The following PHIP variants were observed in gnomAD, a reference collection of about 807,000 sequenced individuals.
PHIP encodes the protein PH-interacting protein.
Under a neutral mutation model 236.8 loss-of-function variants are expected in PHIP, and 54 were observed. The observed-to-expected ratio is 0.23, with a 90% CI of 0.18 to 0.29. PHIP has a LOEUF of 0.29. Ranked by LOEUF, PHIP falls within the 10% of genes least tolerant of loss-of-function variation. The pLI, the probability that PHIP is intolerant of heterozygous loss-of-function variation, is 1.00. For synonymous variants in PHIP, 756 were observed against 718.9 expected (o/e 1.05, Z -0.83); for missense variants, 1,370 against 2,190.8 (o/e 0.63, Z 7.48).
At chr6:78,951,503 GT>G (rs1290268521) in intron 35 of PHIP, among the ~76,000 whole-genome samples, 1 of 152,150 alleles carries the variant, frequency 6.6e-6, no homozygotes, top group Non-Finnish European at 1.5e-5. Context: ...GGATGATACA[GT>G]TAATTCTGAA....
In PHIP at chr6:78,954,954, G is replaced by A; in HGVS notation, c.3913C>T (p.Pro1305Ser). The change falls in exon 35 of 40, where the codon CCT (proline) becomes TCT (serine). Residue 1305 changes from proline to serine, a missense_variant. Physicochemically the swap from Pro to Ser is moderately conservative, Grantham distance 74. This residue lies in a region of PHIP where 125 missense variants were observed against 235.1 expected (regional missense o/e 0.53). Transcript: ENST00000275034. ...TSTRKRKDHQ[P>S]RRRLRNRAQS... is the part of the protein sequence containing the mutation. ...GCTCTATTACGTAATCTTCTTCTAG[G>A]CTGATGGTCCTGTGATAAAAGTGTT... 2 of 1,556,734 alleles carry A rather than the reference G, an allele frequency of 1.3e-6. No homozygotes were observed. Among genetic ancestry groups the A allele is most frequent in the Non-Finnish European group, 1.7e-6 (2 of 1,158,652 alleles).
chr6:78,985,251 T>C (rs746709614), intron 22 of PHIP, 101 bp downstream of exon 22: 32 of 704,710 alleles, frequency 4.5e-5, no homozygotes, highest in Middle Eastern at 2.7e-4. Flanking sequence ...CTGAAGAACT[T>C]TGAACTTACA....
At chr6:78,991,900 A>G (rs1769272270) in intron 19 of PHIP, among the ~76,000 whole-genome samples, 1 of 151,934 alleles carries the variant, frequency 6.6e-6, no homozygotes, top group South Asian at 2.1e-4. Flanking sequence ...TTATAGATTA[A>G]CATACAGTTG....
chr6:79,046,086 G>A (rs1054506010), intron 6 of PHIP, among the ~76,000 whole-genome samples: 5 of 151,984 alleles, frequency 3.3e-5, no homozygotes, highest in East Asian at 1.9e-4. Context: ...AGCCTAAGAC[G>A]GCCCTGCAGA....
At chr6:79,077,641 G>T in intron 3 of PHIP, 59 bp downstream of exon 3, 1 of 916,042 alleles carries the variant, frequency 1.1e-6, no homozygotes, top group Non-Finnish European at 1.3e-6. Flanking sequence ...CAGCGGCGGC[G>T]CAGCGGCCCA....
chr6:79,071,106 A>C (rs1232912041), intron 4 of PHIP, among the ~76,000 whole-genome samples: 1 of 152,166 alleles, frequency 6.6e-6, no homozygotes, highest in African/African-American at 2.4e-5. Flanking sequence ...TTCTTATCAA[A>C]AACTCCTCAT....
intron 6 of PHIP, among the ~76,000 whole-genome samples, chr6:79,047,663 T>C (rs900113769): frequency 2.0e-5 from 3 of 152,142 alleles, no homozygotes; most frequent in African/African-American, 7.2e-5. Flanking sequence ...TACCACAATA[T>C]ACCTGGCTTT....
chr6:79,058,202 T>A (rs957640766), intron 6 of PHIP, among the ~76,000 whole-genome samples: 2 of 152,060 alleles, frequency 1.3e-5, no homozygotes, highest in African/African-American at 4.8e-5. Flanking sequence ...CAATTAATTC[T>A]GTTACCTAAA....
At position 78,975,316 on chromosome 6, in the gene PHIP, A is replaced by T. The variant is rs1204102824; in HGVS notation, c.2889+3276T>A. On this transcript the variant is annotated intron_variant, in intron 24 of 39. Transcript: ENST00000275034. The stretch of plus-strand genomic sequence containing the variant: ...GATGCAGAAAAGGCCTTTGACAAAA[A>T]TCAACAACCTTTCATGCTAAAAACT... Among the ~76,000 whole-genome samples the T allele has an allele frequency of 6.0e-4, 92 of 152,296 alleles. 1 individual carries two copies. The South Asian group carries it at 7.3e-3, about 12-fold the overall frequency.
At chr6:78,992,475 A>G (rs1282774664) in intron 19 of PHIP, among the ~76,000 whole-genome samples, 1 of 151,550 alleles carries the variant, frequency 6.6e-6, no homozygotes, top group Non-Finnish European at 1.5e-5. Flanking sequence ...TGCTTTGCAG[A>G]TAGTGCATTT....
chr6:78,955,312 A>C (rs750039677), intron 33 of PHIP, 30 bp from the exon 34 acceptor site: 3 of 1,529,846 alleles, frequency 2.0e-6, no homozygotes, highest in African/African-American at 1.4e-5. Flanking sequence ...CAGATTCATA[A>C]AACATTTTAG....
intron 2 of PHIP, 58 bp from the exon 3 acceptor site, chr6:79,077,787 C>T (rs1157242586): frequency 4.1e-6 from 4 of 978,614 alleles, no homozygotes; most frequent in Non-Finnish European, 4.8e-6. Context: ...GCCCCGCCGC[C>T]GCCGCCTCCC....
At position 79,002,047 on chromosome 6, in the gene PHIP, C is replaced by T; in HGVS notation, c.1731G>A (p.Gln577=). 1.9e-6 allele frequency: 3 copies of T among 1,613,262 alleles called. No individual in the cohort carries two copies. Among genetic ancestry groups the T allele is most frequent in the Non-Finnish European group, 2.5e-6 (3 of 1,179,438 alleles). The change falls in exon 17 of 40, where the codon CAG becomes CAA. Residue 577 remains glutamine (Q), a synonymous_variant. Coordinates refer to ENST00000275034, the MANE Select transcript of PHIP (RefSeq NM_017934.7). ...GCATAAGATGAGGTGCTTGCTGAGT[C>T]TGTTCATCTAATACAAAATTGTTGG... ...RDANNFVLDE[Q]TQQAPHLMPP...
At chr6:79,017,650 T>TA (rs1770898201) in intron 10 of PHIP, 67 bp from the exon 11 acceptor site, 1 of 1,177,964 alleles carries the variant, frequency 8.5e-7, no homozygotes, top group Non-Finnish European at 1.3e-6. Context: ...AATTAGATAA[T>TA]AAAATGTAAG....
chr6:78,982,678 A>C (rs1768616866), intron 23 of PHIP, among the ~76,000 whole-genome samples: 1 of 152,126 alleles, frequency 6.6e-6, no homozygotes, highest in South Asian at 2.1e-4. Flanking sequence ...CAATTTTGTA[A>C]GTAAATACTT....
intron 9 of PHIP, among the ~76,000 whole-genome samples, chr6:79,019,449 A>T (rs1337255376): frequency 5.9e-5 from 9 of 152,068 alleles, no homozygotes; most frequent in Non-Finnish European, 1.2e-4. Context: ...CTTCTAATCA[A>T]ATTTAACATG....
Position 78,970,066 on chromosome 6 carries a change from G to A in PHIP, c.3105C>T (p.Gly1035=), listed in dbSNP as rs745626449. Residue 1035 remains glycine (G), a synonymous_variant, in exon 26 of 40, where the codon GGC becomes GGT. Transcript: ENST00000275034. Reference sequence around the variant, plus strand: ...GTCCTTACTTCATGGTAAATGATCCGCCAGTCAGTTTACCAGTATCAGGAT... The same window carrying A: ...GTCCTTACTTCATGGTAAATGATCCACCAGTCAGTTTACCAGTATCAGGAT... ...FLDPDTGKLT[G]GSFTMKYHDM... is the part of the protein sequence containing the mutation. The A allele has an allele frequency of 1.1e-5, 18 of 1,613,272 alleles. No individual in the cohort carries two copies. The highest frequency in any genetic ancestry group is 4.5e-5 in the East Asian group (2 of 44,812).
At chr6:79,023,849 C>G (rs914924325) in intron 9 of PHIP, among the ~76,000 whole-genome samples, 2 of 152,148 alleles carry the variant, frequency 1.3e-5, no homozygotes, top group Admixed American at 6.5e-5. Flanking sequence ...AAAACATTTT[C>G]TGTTCCTATC....
chr6:79,070,907 G>A (rs1316204921), intron 4 of PHIP, among the ~76,000 whole-genome samples: 1 of 151,896 alleles, frequency 6.6e-6, no homozygotes, highest in Non-Finnish European at 1.5e-5. Flanking sequence ...TCACAGATGT[G>A]ACACCCGCAG....
Sources: gnomAD v4.1 joint callset for allele counts (sites outside exome capture counted in the v4.1 genomes callset) on GRCh38, gnomAD v4.1.1 for gene constraint, gnomAD v4.1.1 regional missense constraint, MANE v1.5 for transcripts, NCBI Gene and HGNC (gene_info 2026-07-23, HGNC 2026-07-21) for gene names.